RANBP17: variants seen among roughly 807,000 people sequenced by gnomAD.
RANBP17 encodes ran-binding protein 17.
RANBP17 carries 158 observed loss-of-function variants against 141.2 expected under a neutral mutation model. The ratio of observed to expected loss-of-function variants is 1.12; its 90% CI spans 0.98 to 1.28. The LOEUF (loss-of-function observed/expected upper bound fraction) is 1.28, where lower values mean the gene tolerates loss of function less well. RANBP17 is among the 50% of genes most tolerant of loss of function. The probability of loss-of-function intolerance (pLI) is 0.00; values close to 1 mark genes in which losing one functional copy is unlikely to be tolerated. For synonymous variants in RANBP17, 430 were observed against 450.0 expected, an observed-to-expected ratio of 0.96 and a Z score of 0.56; for missense variants, 1,438 against 1,290.7, an observed-to-expected ratio of 1.11 and a Z score of -1.75.
intron 5 of RANBP17, among the ~76,000 whole-genome samples, chr5:170,902,683 G>A (rs1770744349): frequency 6.6e-6 from 1 of 152,162 alleles, no homozygotes; most frequent in East Asian, 1.9e-4. Flanking sequence ...TTTGATGTTG[G>A]TGATCTTCAG....
At position 171,065,298 on chromosome 5, in the gene RANBP17, G is replaced by C. The variant is rs188345625; in HGVS notation, c.1710+96921G>C. On this transcript the variant is annotated intron_variant, in intron 14 of 27. Transcript: ENST00000523189. The stretch of plus-strand genomic sequence containing the variant: ...ATGGAAGACAGATTTTCCACAGAAT[G>C]GGGGGGTGGGGTGAAGGGGACGGTT... Among the ~76,000 whole-genome samples the C allele has an allele frequency of 5.9e-5, 9 of 152,088 alleles. No individual in the cohort carries two copies. In the East Asian group the frequency reaches 7.7e-4, roughly 13 times the overall value.
intron 14 of RANBP17, among the ~76,000 whole-genome samples, chr5:170,994,449 T>C (rs908268371): frequency 6.6e-6 from 1 of 152,066 alleles, no homozygotes; most frequent in Non-Finnish European, 1.5e-5. Context: ...GAGGTAAGAT[T>C]ATCATTGCTG....
At chr5:171,246,416 T>C (rs569454914) in intron 24 of RANBP17, among the ~76,000 whole-genome samples, 1 of 152,358 alleles carries the variant, frequency 6.6e-6, no homozygotes, top group East Asian at 1.9e-4. Context: ...GGCAGTAAAC[T>C]TGAGCAATTG....
At chr5:171,175,478 G>T (rs115855092) in intron 16 of RANBP17, among the ~76,000 whole-genome samples, 1 of 151,812 alleles carries the variant, frequency 6.6e-6, no homozygotes, top group Non-Finnish European at 1.5e-5. Flanking sequence ...AATGATCACC[G>T]ATCATCAGAG....
intron 14 of RANBP17, among the ~76,000 whole-genome samples, chr5:171,058,367 T>C (rs536921110): frequency 1.4e-5 from 2 of 138,950 alleles, no homozygotes; most frequent in East Asian, 4.5e-4. Flanking sequence ...TGTGTCCATG[T>C]GTTCTCATTG....
chr5:170,918,132 T>G (rs1300168685), intron 9 of RANBP17: 1 of 152,112 alleles, frequency 6.6e-6, no homozygotes, highest in Non-Finnish European at 1.5e-5. Flanking sequence ...GTGAATTTTG[T>G]TTTTGCTCAA....
chr5:170,897,391 T>C (rs141538023), intron 5 of RANBP17: 138 of 432,170 alleles, frequency 3.2e-4, no homozygotes, highest in Non-Finnish European at 4.6e-4. Flanking sequence ...ATTGCGCGTA[T>C]GTGTACGTAC....
chr5:171,052,965 G>A (rs1012406687), intron 14 of RANBP17, among the ~76,000 whole-genome samples: 2 of 32,300 alleles, frequency 6.2e-5, no homozygotes, highest in Non-Finnish European at 8.5e-5. Flanking sequence ...CGATTATCCT[G>A]CCTCAGCCTC....
At chr5:171,183,645 A>G (rs1761023505) in intron 18 of RANBP17, among the ~76,000 whole-genome samples, 1 of 152,194 alleles carries the variant, frequency 6.6e-6, no homozygotes, top group African/African-American at 2.4e-5. Context: ...ACTTCACATA[A>G]CACTTGCACT....
intron 14 of RANBP17, among the ~76,000 whole-genome samples, chr5:171,032,523 G>A (rs1377166180): frequency 1.3e-5 from 2 of 152,112 alleles, no homozygotes; most frequent in Non-Finnish European, 2.9e-5. Context: ...TTTGTGCTGT[G>A]TGAACTTTTA....
At chr5:170,954,620 A>G (rs1315265147) in intron 13 of RANBP17, among the ~76,000 whole-genome samples, 1 of 149,258 alleles carries the variant, frequency 6.7e-6, no homozygotes, top group African/African-American at 2.5e-5. Flanking sequence ...TGGACATTAA[A>G]TTTTCTAAAT....
At chr5:171,050,874 G>C (rs1025608649) in intron 14 of RANBP17, among the ~76,000 whole-genome samples, 1 of 152,048 alleles carries the variant, frequency 6.6e-6, no homozygotes, top group Admixed American at 6.6e-5. Flanking sequence ...TCTTTTATCT[G>C]AGAATGTCAT....
At chr5:170,906,464 C>T (rs1395809937) in intron 5 of RANBP17, among the ~76,000 whole-genome samples, 2 of 151,942 alleles carry the variant, frequency 1.3e-5, no homozygotes, top group African/African-American at 4.8e-5. Context: ...TGCCTCCTAT[C>T]AGGAAGCATG....
intron 3 of RANBP17, among the ~76,000 whole-genome samples, chr5:170,891,561 T>C (rs1475407783): frequency 6.6e-6 from 1 of 152,210 alleles, no homozygotes; most frequent in Non-Finnish European, 1.5e-5. Context: ...TGGCTCATGG[T>C]TCTGCAGGCT....
At chr5:171,260,462 CAAAAA>C (rs531075409) in intron 24 of RANBP17, among the ~76,000 whole-genome samples, 2 of 51,420 alleles carry the variant, frequency 3.9e-5, no homozygotes, top group South Asian at 1.3e-3. Flanking sequence ...GACTCCGTCT[CAAAAA>C]AAAAAAAAAA....
intron 14 of RANBP17, among the ~76,000 whole-genome samples, chr5:171,164,987 A>AT (rs1759581348): frequency 6.6e-6 from 1 of 152,044 alleles, no homozygotes; most frequent in Admixed American, 6.6e-5. Flanking sequence ...GCACCTTCTG[A>AT]TTTTTTCTGT....
chr5:171,259,027 AAAC>A (rs1440273880), intron 24 of RANBP17, among the ~76,000 whole-genome samples: 1 of 152,196 alleles, frequency 6.6e-6, no homozygotes, highest in African/African-American at 2.4e-5. Context: ...TAATAGGAAA[AAAC>A]AAATAATTCC....
intron 13 of RANBP17, among the ~76,000 whole-genome samples, chr5:170,955,582 GTATA>G (rs869169939): frequency 0.018 from 768 of 41,550 alleles, 42 homozygotes; most frequent in African/African-American, 0.067. Context: ...CAGTCTGTGT[GTATA>G]TATATATATA....
intron 12 of RANBP17, among the ~76,000 whole-genome samples, chr5:170,953,230 G>A (rs1429804635): frequency 1.3e-5 from 2 of 152,084 alleles, no homozygotes; most frequent in Non-Finnish European, 2.9e-5. Context: ...TCTGGTCCTA[G>A]ACAGTTTAGT....
Sources: allele counts gnomAD v4.1 joint callset (sites outside exome capture counted in the v4.1 genomes callset), GRCh38; gene constraint gnomAD v4.1.1; transcripts MANE v1.5; gene names NCBI Gene and HGNC (gene_info 2026-07-23, HGNC 2026-07-21).